SOX5: variants seen among roughly 807,000 people sequenced by gnomAD.
SOX5 encodes transcription factor SOX-5.
SOX5 carries 9 observed loss-of-function variants against 92.0 expected under a neutral mutation model. The observed-to-expected ratio is 0.10, with a 90% CI of 0.06 to 0.17. The LOEUF is 0.17. SOX5 is among the 10% of genes least tolerant of loss of function. The probability of loss-of-function intolerance (pLI) is 1.00; values close to 1 mark genes in which losing one functional copy is unlikely to be tolerated. For missense variants in SOX5, 642 were observed against 944.5 expected (o/e 0.68, Z 4.20); for synonymous variants, 344 against 336.3 (o/e 1.02, Z -0.25).
intron 4 of SOX5, among the ~76,000 whole-genome samples, chr12:24,154,393 A>T (rs1414652397): frequency 6.6e-6 from 1 of 152,180 alleles, no homozygotes; most frequent in Non-Finnish European, 1.5e-5. Flanking sequence ...GGAAGAAGAT[A>T]CATGCGTAAT....
At chr12:24,314,584 T>C (rs1484794575) in intron 2 of SOX5, among the ~76,000 whole-genome samples, 1 of 152,072 alleles carries the variant, frequency 6.6e-6, no homozygotes, top group Non-Finnish European at 1.5e-5. Context: ...ATAACAGTTC[T>C]CTCTGCTCAA....
At chr12:24,506,873 CTCCGCCTCCCGGGT>C (rs1352815252) in intron 1 of SOX5, among the ~76,000 whole-genome samples, 6 of 137,016 alleles carry the variant, frequency 4.4e-5, no homozygotes, top group Non-Finnish European at 9.0e-5. Context: ...TCACTGTAAG[CTCCGCCTCCCGGGT>C]TCACACCATT....
chr12:23,804,396 C>G (rs4351908), intron 3 of SOX5, among the ~76,000 whole-genome samples: 69,604 of 151,824 alleles, frequency 0.46, 16,324 homozygotes, highest in East Asian at 0.84. Context: ...AAAGGAAATT[C>G]CAGTAAGTGT....
In SOX5 at chr12:23,808,087, G is replaced by T. The variant is rs1056503756; in HGVS notation, c.481+37896C>A. The stretch of plus-strand genomic sequence containing the variant: ...TGTGCAGAATATATGTTTGAGCAAG[G>T]CATCCTTGTTTTCCCTTCAGAATTC... On this transcript the variant is annotated intron_variant, in intron 3 of 14. Coordinates refer to ENST00000451604, the MANE Select transcript of SOX5 (RefSeq NM_006940.6). 2.0e-5 allele frequency among the ~76,000 whole-genome samples: 3 copies of T among 150,072 alleles called. No individual in the cohort carries two copies. In the Admixed American group the frequency reaches 2.0e-4, roughly 10 times the overall value.
At chr12:23,747,977 C>T (rs79466548) in intron 4 of SOX5, among the ~76,000 whole-genome samples, 5 of 112,002 alleles carry the variant, frequency 4.5e-5, no homozygotes, top group South Asian at 2.8e-4. Flanking sequence ...AAAAAAAAAA[C>T]GAATACAATC....
intron 1 of SOX5, among the ~76,000 whole-genome samples, chr12:24,472,857 T>A (rs549548274): frequency 6.6e-6 from 1 of 152,148 alleles, no homozygotes; most frequent in Admixed American, 6.6e-5. Flanking sequence ...TACATAAACA[T>A]AATTTTAAAA....
At chr12:23,950,361 T>C (rs1945416582), upstream of SOX5, among the ~76,000 whole-genome samples, 1 of 151,918 alleles carries the variant, frequency 6.6e-6, no homozygotes, top group Non-Finnish European at 1.5e-5. Context: ...AGAGGCCCCT[T>C]CAAGGAAACC....
chr12:23,835,034 T>C (rs1382956145), intron 3 of SOX5, among the ~76,000 whole-genome samples: 2 of 151,888 alleles, frequency 1.3e-5, no homozygotes, highest in African/African-American at 4.8e-5. Flanking sequence ...GCCTAAAGTT[T>C]GAATGAAAAT....
chr12:23,970,841 A>ATATATATATTTTTTTTTTTTTTTTT lies in SOX5; in HGVS notation c.-1-74818_-1-74817insAAAAAAAAAAAAAAAAATATATATA. On this transcript the variant is annotated intron_variant, in intron 4 of 4. Transcript: ENST00000446891. ...ACATGGGACTTTATATATATATATA[A>ATATATATATTTTTTTTTTTTTTTTT]TTTTTTTTTTTTTTTAAGAAATGGG... Among the ~76,000 whole-genome samples, 4 of 21,884 alleles carry ATATATATATTTTTTTTTTTTTTTTT rather than the reference A, an allele frequency of 1.8e-4. 1 individual carries two copies. The highest frequency in any genetic ancestry group is 4.1e-4 in the Non-Finnish European group (4 of 9,706). 14.4% of individuals were successfully genotyped at this position (21,884 alleles called of 152,430 possible). A position where few individuals can be genotyped will look rare whatever the true frequency, so the allele number is the denominator to read the frequency against.
intron 4 of SOX5, among the ~76,000 whole-genome samples, chr12:23,982,892 A>T (rs1204440902): frequency 6.6e-6 from 1 of 152,146 alleles, no homozygotes; most frequent in Non-Finnish European, 1.5e-5. Context: ...GCCACATTTC[A>T]AGTGCTCAGT....
chr12:23,662,772 A>G (rs1383889744), intron 7 of SOX5, among the ~76,000 whole-genome samples: 1 of 152,174 alleles, frequency 6.6e-6, no homozygotes, highest in Non-Finnish European at 1.5e-5. Flanking sequence ...TATGTATTTT[A>G]TGAAGACATC....
At chr12:24,154,493 C>G (rs891232568) in intron 4 of SOX5, among the ~76,000 whole-genome samples, 1 of 152,120 alleles carries the variant, frequency 6.6e-6, no homozygotes, top group Admixed American at 6.6e-5. Context: ...AAAAGTCTGG[C>G]TCATACCACT....
At chr12:24,246,356 A>G (rs1938717537) in intron 3 of SOX5, among the ~76,000 whole-genome samples, 1 of 152,008 alleles carries the variant, frequency 6.6e-6, no homozygotes, top group Non-Finnish European at 1.5e-5. Flanking sequence ...CCGTCATATT[A>G]AACCTAATGT....
chr12:24,473,183 A>T (rs934207741), intron 1 of SOX5, among the ~76,000 whole-genome samples: 9 of 152,160 alleles, frequency 5.9e-5, no homozygotes, highest in African/African-American at 2.2e-4. Context: ...ATAAATTTTT[A>T]TCTACACTCA....
chr12:24,396,573 C>T (rs954438545), intron 1 of SOX5, among the ~76,000 whole-genome samples: 1 of 152,272 alleles, frequency 6.6e-6, no homozygotes, highest in Non-Finnish European at 1.5e-5. Context: ...CTCCTGCCAG[C>T]TCCTGCCTCC....
chr12:23,960,516 TATATATATATATAC>T (rs1569274608), intron 4 of SOX5, among the ~76,000 whole-genome samples: 2,270 of 78,686 alleles, frequency 0.029, 68 homozygotes, highest in African/African-American at 0.082. Flanking sequence ...TTTATATACA[TATATATATATATAC>T]ATATATATAT....
At chr12:23,889,712 G>GT (rs1370514518) in intron 2 of SOX5, among the ~76,000 whole-genome samples, 1 of 152,076 alleles carries the variant, frequency 6.6e-6, no homozygotes, top group Admixed American at 6.6e-5. Flanking sequence ...TTAAAAGACA[G>GT]TTTTTTCTTC....
intron 4 of SOX5, among the ~76,000 whole-genome samples, chr12:24,005,203 G>A (rs1312546067): frequency 6.6e-6 from 1 of 151,696 alleles, no homozygotes; most frequent in East Asian, 1.9e-4. Context: ...AAAAATCACT[G>A]AATTGTATAC....
At chr12:24,148,551 A>G (rs1241319654) in intron 4 of SOX5, among the ~76,000 whole-genome samples, 1 of 150,470 alleles carries the variant, frequency 6.6e-6, no homozygotes, top group African/African-American at 2.4e-5. Flanking sequence ...AATAGACTTT[A>G]GAAACAAACT....
Sources: allele counts gnomAD v4.1 joint callset (sites outside exome capture counted in the v4.1 genomes callset), GRCh38; gene constraint gnomAD v4.1.1; transcripts MANE v1.5; gene names NCBI Gene and HGNC (gene_info 2026-07-23, HGNC 2026-07-21).